The following NFATC1 variants were observed in gnomAD, a reference collection of about 807,000 sequenced individuals.
NFATC1 encodes nuclear factor of activated T-cells, cytoplasmic 1.
In NFATC1, 22 loss-of-function variants were observed where a neutral mutation model predicts 76.0. The observed-to-expected ratio is 0.29, with a 90% CI of 0.21 to 0.41. The LOEUF (loss-of-function observed/expected upper bound fraction) is 0.41. Ranked by LOEUF, NFATC1 falls within the 10% of genes least tolerant of loss-of-function variation. The pLI is 1.00. For synonymous variants in NFATC1, 704 were observed against 613.1 expected (o/e 1.15, Z -2.19); for missense variants, 1,357 against 1,337.7 (o/e 1.01, Z -0.23).
intron 9 of NFATC1, among the ~76,000 whole-genome samples, chr18:79,520,067 G>A (rs191042535): frequency 9.2e-5 from 14 of 152,304 alleles, no homozygotes; most frequent in Admixed American, 3.9e-4. Flanking sequence ...TTTGACCGTC[G>A]GCAGGGGTGC....
intron 6 of NFATC1, among the ~76,000 whole-genome samples, chr18:79,452,427 C>T (rs988251334): frequency 2.6e-5 from 4 of 152,094 alleles, no homozygotes; most frequent in African/African-American, 4.8e-5. Flanking sequence ...GGGGTGTCCT[C>T]GGAGTGATGT....
At chr18:79,460,146 G>T (rs919726199) in intron 6 of NFATC1, among the ~76,000 whole-genome samples, 24 of 152,204 alleles carry the variant, frequency 1.6e-4, no homozygotes, top group Non-Finnish European at 5.9e-5. Flanking sequence ...GGCGGCTCTG[G>T]GGTCCTGTGT....
intron 3 of NFATC1, among the ~76,000 whole-genome samples, chr18:79,434,892 A>G (rs1299983850): frequency 6.6e-6 from 1 of 152,206 alleles, no homozygotes; most frequent in African/African-American, 2.4e-5. Context: ...TGTGTGCTTG[A>G]TGCCAATTAG....
chr18:79,423,752 G>A (rs575016293), intron 2 of NFATC1, among the ~76,000 whole-genome samples: 3 of 152,302 alleles, frequency 2.0e-5, no homozygotes, highest in Non-Finnish European at 4.4e-5. Flanking sequence ...CTCATCCACC[G>A]ATTCCATCTT....
rs1325430036 is a variant in NFATC1, at chr18:79,411,318, T to G, written c.1043T>G (p.Leu348Arg). The G allele has an allele frequency of 1.2e-6, 2 of 1,602,538 alleles. No individual in the cohort carries two copies. The highest frequency in any genetic ancestry group is 1.7e-6 in the Non-Finnish European group (2 of 1,177,104). The change falls in exon 2 of 10, where the codon CTC becomes CGC. Residue 348 changes from leucine to arginine, a missense_variant. Leu to Arg is a moderately radical substitution (Grantham distance 102). Coordinates refer to ENST00000427363, the MANE Select transcript of NFATC1 (RefSeq NM_001278669.2). ...TTLEQPPSVA[L>R]KVEPVGEDLG... is the part of the protein sequence containing the mutation. ...CTGGAGCAGCCGCCCTCAGTGGCGC[T>G]CAAGGTGGAGCCCGTCGGGGAGGAC...
At position 79,451,695 on chromosome 18, in the gene NFATC1, G is replaced by C; in HGVS notation, c.1782G>C (p.Glu594Asp). 6.2e-6 allele frequency: 10 copies of C among 1,611,618 alleles called. No homozygotes were observed. Among genetic ancestry groups the C allele is most frequent in the Non-Finnish European group, 6.8e-6 (8 of 1,179,042 alleles). ...PIECSQRSAQ[E>D]LPLVEKQSTD... ...ATGCAGCCCAGCGCTCAGCTCAGGA[G>C]CTGCCTCTGGTGGAGAAGCAGAGCA... Residue 594 changes from glutamate (E) to aspartate (D), a missense_variant, in exon 6 of 10, where the codon GAG (glutamate) becomes GAC (aspartate). By Grantham distance (45) the Glu-to-Asp change is conservative (BLOSUM62 2). Coordinates refer to ENST00000427363, the MANE Select transcript of NFATC1 (RefSeq NM_001278669.2).
rs977372807 is a variant in NFATC1, at chr18:79,480,241, C to T, written c.2093-6007C>T. Among the ~76,000 whole-genome samples, 4 of 152,192 alleles carry T rather than the reference C, an allele frequency of 2.6e-5. No individual in the cohort carries two copies. In the East Asian group the frequency reaches 5.8e-4, roughly 22 times the overall value. On this transcript the variant is annotated intron_variant, in intron 8 of 9. Transcript: ENST00000427363. ...GGAAGAGAAGCAGTGGGCAGGCACA[C>T]GAGTTTATTCCTGAGAGGAGCGTGT...
At chr18:79,400,183 T>C in intron 1 of NFATC1, 1 of 1,137,580 alleles carries the variant, frequency 8.8e-7, no homozygotes, top group South Asian at 3.9e-5. Context: ...AAAACTCGTG[T>C]CCGGGGAGTT....
chr18:79,467,956 C>G (rs2088602730), intron 8 of NFATC1: 4 of 1,036,944 alleles, frequency 3.9e-6, no homozygotes, highest in Non-Finnish European at 4.6e-6. Context: ...ATAGGTATAG[C>G]TATTTTGCAG....
chr18:79,452,122 G>A (rs956192774), intron 6 of NFATC1: 5 of 240,444 alleles, frequency 2.1e-5, no homozygotes, highest in Admixed American at 1.1e-4. Flanking sequence ...AGGGCAAGAC[G>A]CATTTGCTGG....
chr18:79,419,349 C>T (rs1032654857), intron 2 of NFATC1, among the ~76,000 whole-genome samples: 1 of 152,152 alleles, frequency 6.6e-6, no homozygotes, highest in Admixed American at 6.5e-5. Flanking sequence ...TGAAATGTTG[C>T]CCCATCTCAC....
Position 79,411,460 on chromosome 18 carries a change from G to T in NFATC1, c.1185G>T (p.Gln395His). Residue 395 changes from glutamine to histidine, a missense_variant, in exon 2 of 10, where the codon CAG (glutamine) becomes CAT (histidine). Coordinates refer to ENST00000427363, the MANE Select transcript of NFATC1 (RefSeq NM_001278669.2). ...TGGCGGTGCCGCAGCACCCCTACCA[G>T]TGGGCGAAGCCCAAGCCCCTGTCCC... is the stretch of plus-strand genomic sequence containing the variant. ...QYLAVPQHPY[Q>H]WAKPKPLSPT... 6.6e-7 allele frequency: 1 copy of T among 1,509,798 alleles called. No homozygotes were observed. The allele number at this position is 1,509,798 out of a possible 1,614,324, so 93.5% of individuals were successfully genotyped here. A position where few individuals can be genotyped will look rare whatever the true frequency, so the allele number is the denominator to read the frequency against.
At position 79,524,405 on chromosome 18, in the gene NFATC1, G is replaced by A. The variant is rs1467599121; in HGVS notation, c.2783-3123G>A. On this transcript the variant is annotated intron_variant, in intron 9 of 9. Transcript: ENST00000427363. The surrounding 1 kb of genome is among the most constrained non-coding windows in gnomAD (Gnocchi z 7.2). ...CGGTTCGGTTGCTGTGCTGTCCTCT[G>A]CTGAGTGGTGTCAGGGTTGTCCATC... 6.6e-6 allele frequency among the ~76,000 whole-genome samples: 1 copy of A among 152,216 alleles called. No individual in the cohort carries two copies. The highest frequency in any genetic ancestry group is 1.9e-4 in the East Asian group (1 of 5,194).
intron 6 of NFATC1, among the ~76,000 whole-genome samples, chr18:79,460,919 C>T (rs941612237): frequency 6.6e-6 from 1 of 152,212 alleles, no homozygotes; most frequent in Non-Finnish European, 1.5e-5. Flanking sequence ...CACACCTGCT[C>T]TCCCTGGAGA....
intron 3 of NFATC1, among the ~76,000 whole-genome samples, 163 bp downstream of exon 3, chr18:79,433,901 G>T (rs2086684719): frequency 6.6e-6 from 1 of 152,256 alleles, no homozygotes; most frequent in Non-Finnish European, 1.5e-5. Flanking sequence ...GCTGGAATGG[G>T]AGCATGCCAC....
chr18:79,527,481 G>A, intron 9 of NFATC1, 47 bp from the exon 10 acceptor site: 1 of 1,528,314 alleles, frequency 6.5e-7, no homozygotes, highest in South Asian at 1.1e-5. Context: ...TTGCTTTGAT[G>A]TTTATGGTAT....
intron 7 of NFATC1, among the ~76,000 whole-genome samples, chr18:79,466,692 G>A (rs373424426): frequency 3.3e-5 from 5 of 152,194 alleles, no homozygotes; most frequent in Admixed American, 6.5e-5. Context: ...TTCCCACCCC[G>A]GGGTCTGCGG....
At position 79,486,792 on chromosome 18, in the gene NFATC1, G is replaced by A. The variant is rs763421772; in HGVS notation, c.2637G>A (p.Pro879=). The A allele has an allele frequency of 2.1e-5, 34 of 1,610,152 alleles. No homozygotes were observed. Among genetic ancestry groups the A allele is most frequent in the South Asian group, 1.8e-4 (16 of 90,974 alleles). ...PPATGRPQHL[P]STVRRDESPT... is the part of the protein sequence containing the mutation. ...CCACGGGCCGCCCGCAGCACCTGCCGTCCACGGTCCGCAGGGACGAGTCTC... is the reference window on the plus strand; with the variant it reads ...CCACGGGCCGCCCGCAGCACCTGCCATCCACGGTCCGCAGGGACGAGTCTC... The change falls in exon 9 of 10, where the codon CCG becomes CCA. Residue 879 remains proline, a synonymous_variant. Coordinates refer to ENST00000427363, the MANE Select transcript of NFATC1 (RefSeq NM_001278669.2).
intron 1 of NFATC1, chr18:79,400,321 G>T: frequency 7.7e-7 from 1 of 1,303,280 alleles, no homozygotes. Context: ...GGACGCGCGG[G>T]CAGCGCCGGG....
Sources: allele counts gnomAD v4.1 joint callset (sites outside exome capture counted in the v4.1 genomes callset), GRCh38; gene constraint gnomAD v4.1.1; non-coding constraint Gnocchi (gnomAD v3.1); transcripts MANE v1.5; gene names NCBI Gene and HGNC (gene_info 2026-07-23, HGNC 2026-07-21).